PSG3: variants seen among roughly 807,000 people sequenced by gnomAD.
PSG3 encodes pregnancy specific beta-1-glycoprotein 3, also known as pregnancy-specific beta-1-glycoprotein 3.
Under a neutral mutation model 47.5 loss-of-function variants are expected in PSG3, and 61 were observed. That is an observed-to-expected ratio of 1.28 (90% confidence interval 1.05 to 1.59). PSG3 has a LOEUF of 1.59. PSG3 is among the 40% of genes most tolerant of loss of function. PSG3 has a pLI of 0.00. For missense variants in PSG3, 756 were observed against 524.0 expected, an observed-to-expected ratio of 1.44 and a Z score of -4.32; for synonymous variants, 263 against 198.4, an observed-to-expected ratio of 1.33 and a Z score of -2.74.
In PSG3 at chr19:42,735,069, A is replaced by G. The variant is rs139995784; in HGVS notation, c.431-2007T>C. ...TGTATGTGGCACAGGCAGTAAAGCC[A>G]TCAGATAGCACCCACCTGGCCACCT... On this transcript the variant is annotated intron_variant, in intron 2 of 6. Coordinates refer to ENST00000327495, the MANE Select transcript of PSG3 (RefSeq NM_021016.4). Among the ~76,000 whole-genome samples, 277 of 152,358 alleles carry G rather than the reference A, an allele frequency of 1.8e-3. 3 individuals carry two copies. Among genetic ancestry groups the G allele is most frequent in the African/African-American group, 6.2e-3 (256 of 41,592 alleles).
intron 6 of PSG3, 145 bp downstream of exon 6, chr19:42,723,796 GA>G (rs113444322): frequency 0.069 from 46,325 of 670,900 alleles, 1,911 homozygotes; most frequent in Middle Eastern, 0.15. Context: ...GGGAGAAAGG[GA>G]ACTGCAGGAA....
chr19:42,722,703 T>C (rs1370902876), intron 6 of PSG3, among the ~76,000 whole-genome samples: 2 of 152,232 alleles, frequency 1.3e-5, no homozygotes, highest in East Asian at 3.8e-4. Context: ...ACTGGATTAC[T>C]GAGTTCTTGG....
intron 2 of PSG3, chr19:42,733,370 G>A (rs2353147): frequency 2.5e-6 from 1 of 404,102 alleles, no homozygotes; most frequent in East Asian, 4.4e-5. Context: ...CCATCTCGAA[G>A]TGCCTGCCTG....
intron 3 of PSG3, among the ~76,000 whole-genome samples, chr19:42,731,517 A>G (rs1255959672): frequency 2.0e-5 from 3 of 152,262 alleles, no homozygotes; most frequent in Non-Finnish European, 4.4e-5. Context: ...TTGGGATGTG[A>G]GAAAGGCTGA....
chr19:42,729,394 A>T lies in PSG3; in HGVS notation c.989-17T>A. 6.2e-7 allele frequency: 1 copy of T among 1,605,458 alleles called. No individual in the cohort carries two copies. On this transcript the variant is annotated splice_polypyrimidine_tract_variant and intron_variant, in intron 4 of 6. Transcript: ENST00000327495. The stretch of plus-strand genomic sequence containing the variant: ...CTGGACCATCTGGAGCAAAGAGAAT[A>T]AAGCCACAGGTGATGTCATCCGAGG...
Position 42,732,780 on chromosome 19 carries a change from T to C in PSG3, c.709+4A>G. 6.2e-7 allele frequency: 1 copy of C among 1,614,132 alleles called. No individual in the cohort carries two copies. On this transcript the variant is annotated splice_donor_region_variant and intron_variant, in intron 3 of 6. Coordinates refer to ENST00000327495, the MANE Select transcript of PSG3 (RefSeq NM_021016.4). Reference sequence around the variant, plus strand: ...TGGCTCACAGAGGAACAGGAGATACTCACGGAGGAGATTCAGGGTGACTGG... The same window carrying C: ...TGGCTCACAGAGGAACAGGAGATACCCACGGAGGAGATTCAGGGTGACTGG...
intron 1 of PSG3, 143 bp from the exon 2 acceptor site, chr19:42,739,232 A>ACACAC: frequency 1.5e-6 from 2 of 1,312,208 alleles, no homozygotes; most frequent in Non-Finnish European, 2.1e-6. Flanking sequence ...ACACACACAC[A>ACACAC]AAAGGGGCAT....
At chr19:42,724,927 G>T (rs1969352536) in intron 5 of PSG3, among the ~76,000 whole-genome samples, 1 of 151,984 alleles carries the variant, frequency 6.6e-6, no homozygotes, top group Non-Finnish European at 1.5e-5. Flanking sequence ...CTTCCTATGT[G>T]CCAGGCCCTG....
At chr19:42,736,283 T>G (rs375902857) in intron 2 of PSG3, among the ~76,000 whole-genome samples, 16 of 152,184 alleles carry the variant, frequency 1.1e-4, no homozygotes, top group East Asian at 3.8e-4. Flanking sequence ...AACGTGAGAT[T>G]GGTCTTTTGA....
intron 2 of PSG3, 86 bp downstream of exon 2, chr19:42,738,638 C>A: frequency 6.2e-7 from 1 of 1,609,748 alleles, no homozygotes; most frequent in Admixed American, 1.7e-5. Flanking sequence ...GAGAGGGACA[C>A]AGGCACAATC....
chr19:42,729,945 C>T lies in PSG3; in HGVS notation c.821G>A (p.Trp274Ter), dbSNP rs755813895. The T allele has an allele frequency of 1.1e-5, 17 of 1,612,020 alleles. 1 individual carries two copies. Among genetic ancestry groups the T allele is most frequent in the Middle Eastern group, 2.2e-4 (1 of 4,586 alleles). Residue 274 changes from tryptophan (W) to a stop codon, truncating the protein, a stop_gained, in exon 4 of 7, where the codon TGG becomes TAG. Transcript: ENST00000327495. LOFTEE classifies it high-confidence loss of function. ...GACCGGGAGGCTCTGACCATTTAGC[C>T]ACCAAATGTAGGTGTAGTTCTCACT... ...PKSENYTYIW[W>*]LNGQSLPVSP...
Position 42,729,223 on chromosome 19 carries a change from G to C in PSG3, c.1143C>G (p.Ile381Met). 7 of 1,614,002 alleles carry C rather than the reference G, an allele frequency of 4.3e-6. No homozygotes were observed. The highest frequency in any genetic ancestry group is 5.1e-6 in the Non-Finnish European group (6 of 1,179,878). Residue 381 changes from isoleucine (I) to methionine (M), a missense_variant, in exon 5 of 7, where the codon ATC becomes ATG. Coordinates refer to ENST00000327495, the MANE Select transcript of PSG3 (RefSeq NM_021016.4). ...CGCTATGCTTTGTAGTAATCTGGGG[G>C]ATAAAGAGCTTTTGTCCTGATAGCT... is the stretch of plus-strand genomic sequence containing the variant. Reference protein sequence around the residue: ...KFQLSGQKLFIPQITTKHSGL... With the variant: ...KFQLSGQKLFMPQITTKHSGL...
intron 2 of PSG3, among the ~76,000 whole-genome samples, chr19:42,734,797 T>C (rs1335751516): frequency 6.6e-6 from 1 of 152,234 alleles, no homozygotes; most frequent in Non-Finnish European, 1.5e-5. Flanking sequence ...AAAGAAGTGA[T>C]GTGTGTTATG....
chr19:42,736,700 G>C (rs1969570017), intron 2 of PSG3, among the ~76,000 whole-genome samples: 1 of 150,702 alleles, frequency 6.6e-6, no homozygotes, highest in African/African-American at 2.5e-5. Context: ...TATAAGAGTG[G>C]ATGGAGAAAC....
At chr19:42,724,979 AC>A (rs1335073342) in intron 5 of PSG3, among the ~76,000 whole-genome samples, 2 of 151,916 alleles carry the variant, frequency 1.3e-5, no homozygotes, top group Admixed American at 6.6e-5. Flanking sequence ...CCACACAATA[AC>A]CCTGTGAGGT....
Position 42,738,836 on chromosome 19 carries a change from G to T in PSG3, c.318C>A (p.Ser106=), listed in dbSNP as rs760418167. The T allele has an allele frequency of 1.9e-6, 3 of 1,614,076 alleles. No homozygotes were observed. The highest frequency in any genetic ancestry group is 2.5e-6 in the Non-Finnish European group (3 of 1,180,012). The change falls in exon 2 of 7, where the codon TCC becomes TCA. Residue 106 remains serine, a synonymous_variant. Coordinates refer to ENST00000327495, the MANE Select transcript of PSG3 (RefSeq NM_021016.4). The part of the protein sequence containing the change: ...SGRETVYSNA[S]LLIQNVTRED... Reference sequence around the variant, plus strand: ...CCCGGGTGACATTCTGGATCAGCAGGGATGCATTGGAATATACTGTTTCTC... The same window carrying T: ...CCCGGGTGACATTCTGGATCAGCAGTGATGCATTGGAATATACTGTTTCTC...
chr19:42,728,637 T>C (rs1388225589), intron 5 of PSG3, among the ~76,000 whole-genome samples: 1 of 152,236 alleles, frequency 6.6e-6, no homozygotes, highest in African/African-American at 2.4e-5. Context: ...CAGAGGAGCC[T>C]GGAGCAGAGC....
chr19:42,732,819 G>A lies in PSG3; in HGVS notation c.674C>T (p.Ala225Val), dbSNP rs1247089811. The change falls in exon 3 of 7, where the codon GCC (alanine) becomes GTC (valine). Residue 225 changes from alanine to valine, a missense_variant. Ala to Val is a moderately conservative substitution (Grantham distance 64). Coordinates refer to ENST00000327495, the MANE Select transcript of PSG3 (RefSeq NM_021016.4). ...YECEIRNPVS[A>V]SRSDPVTLNL... ...CAGGGTGACTGGGTCACTGCGGCTGGCACTCACTGGGTTCCGTATTTCACA... is the reference window on the plus strand; with the variant it reads ...CAGGGTGACTGGGTCACTGCGGCTGACACTCACTGGGTTCCGTATTTCACA... The A allele has an allele frequency of 1.2e-6, 2 of 1,614,162 alleles. No homozygotes were observed. Among genetic ancestry groups the A allele is most frequent in the Non-Finnish European group, 8.5e-7 (1 of 1,180,022 alleles).
chr19:42,740,059 T>A (rs1568757459), intron 1 of PSG3, among the ~76,000 whole-genome samples: 2 of 152,050 alleles, frequency 1.3e-5, no homozygotes, highest in African/African-American at 4.8e-5. Flanking sequence ...TTCACGTGAT[T>A]CTCCTGCCTC....
Sources: gnomAD v4.1 joint callset for allele counts (sites outside exome capture counted in the v4.1 genomes callset) on GRCh38, gnomAD v4.1.1 for gene constraint, MANE v1.5 for transcripts, NCBI Gene and HGNC (gene_info 2026-07-23, HGNC 2026-07-21) for gene names.